ASIC2: variants seen among roughly 807,000 people sequenced by gnomAD.
ASIC2 encodes the protein acid sensing ion channel subunit 2.
Under a neutral mutation model 57.3 loss-of-function variants are expected in ASIC2, and 25 were observed. That is an observed-to-expected ratio of 0.44 (90% confidence interval 0.32 to 0.61). The LOEUF is 0.61. Ranked by LOEUF, ASIC2 falls within the 20% of genes least tolerant of loss-of-function variation. ASIC2 has a pLI of 0.06. For synonymous variants in ASIC2, 319 were observed against 307.5 expected (o/e 1.04, Z -0.39); for missense variants, 641 against 738.1 (o/e 0.87, Z 1.52).
At chr17:33,343,987 C>G (rs553741931) in intron 1 of ASIC2, among the ~76,000 whole-genome samples, 42 of 152,318 alleles carry the variant, frequency 2.8e-4, no homozygotes, top group South Asian at 8.3e-4. Flanking sequence ...CTCTTCGAAG[C>G]CTTCCCAGAT....
intron 1 of ASIC2, among the ~76,000 whole-genome samples, chr17:33,886,918 G>A (rs1333585247): frequency 1.3e-5 from 2 of 151,516 alleles, no homozygotes; most frequent in Non-Finnish European, 2.9e-5. Flanking sequence ...AAGCACTGAG[G>A]TAGATACCAA....
At chr17:33,603,054 A>T (rs1471906062) in intron 1 of ASIC2, among the ~76,000 whole-genome samples, 1 of 152,096 alleles carries the variant, frequency 6.6e-6, no homozygotes. Flanking sequence ...CTAGCTCTGC[A>T]TTTCCCCACC....
intron 1 of ASIC2, among the ~76,000 whole-genome samples, chr17:33,210,589 A>G (rs1166930481): frequency 6.6e-6 from 1 of 152,012 alleles, no homozygotes; most frequent in Non-Finnish European, 1.5e-5. Context: ...GCAATTCCCC[A>G]CCATCTCTAT....
chr17:33,476,293 T>A (rs1422002135), intron 1 of ASIC2, among the ~76,000 whole-genome samples: 4 of 152,134 alleles, frequency 2.6e-5, no homozygotes, highest in African/African-American at 7.2e-5. Context: ...ACATTACGCT[T>A]TTGAGCCACA....
At chr17:33,095,892 G>T (rs2092176899) in intron 2 of ASIC2, among the ~76,000 whole-genome samples, 1 of 152,356 alleles carries the variant, frequency 6.6e-6, no homozygotes, top group East Asian at 1.9e-4. Flanking sequence ...TGCTACCTAT[G>T]ATCAGACAAA....
rs185738945 is a variant in ASIC2 at position 33,318,839 on chromosome 17, C to T, written c.556-206772G>A. On this transcript the variant is annotated intron_variant, in intron 1 of 9. Transcript: ENST00000359872. ...GGCCCTTTTGGTTTTGAAGTTTGAGCGGGAAAAAGCTGTTCCTTTTCTGGA... is the reference window on the plus strand; with the variant it reads ...GGCCCTTTTGGTTTTGAAGTTTGAGTGGGAAAAAGCTGTTCCTTTTCTGGA... 1.5e-4 allele frequency among the ~76,000 whole-genome samples: 23 copies of T among 152,084 alleles called. No homozygotes were observed. The East Asian group carries it at 3.3e-3, about 22-fold the overall frequency.
At chr17:33,493,177 G>A (rs1159352546) in intron 1 of ASIC2, among the ~76,000 whole-genome samples, 1 of 152,148 alleles carries the variant, frequency 6.6e-6, no homozygotes, top group Non-Finnish European at 1.5e-5. Context: ...GTTTCTTCAG[G>A]CTCCAGGGTA....
At chr17:34,014,863 G>A (rs545429533) in intron 1 of ASIC2, among the ~76,000 whole-genome samples, 11 of 150,992 alleles carry the variant, frequency 7.3e-5, no homozygotes, top group South Asian at 2.1e-4. Flanking sequence ...AGATCCCTCC[G>A]CCTTAATCCT....
intron 1 of ASIC2, among the ~76,000 whole-genome samples, chr17:33,229,164 T>C (rs1165122892): frequency 6.6e-6 from 1 of 151,490 alleles, no homozygotes; most frequent in East Asian, 1.9e-4. Flanking sequence ...TGGAAAGAGG[T>C]GTACCAAGCA....
chr17:33,785,919 T>C (rs1911587744), intron 1 of ASIC2, among the ~76,000 whole-genome samples: 1 of 152,208 alleles, frequency 6.6e-6, no homozygotes, highest in African/African-American at 2.4e-5. Context: ...AACTGGAATC[T>C]GCGTCGGCTG....
At chr17:33,738,352 T>C (rs1005088167) in intron 1 of ASIC2, among the ~76,000 whole-genome samples, 3 of 152,200 alleles carry the variant, frequency 2.0e-5, no homozygotes, top group African/African-American at 7.2e-5. Flanking sequence ...CCCCAGACCT[T>C]CAGGATCCCC....
intron 1 of ASIC2, among the ~76,000 whole-genome samples, chr17:33,223,432 C>T (rs1024241318): frequency 6.6e-6 from 1 of 152,186 alleles, no homozygotes; most frequent in Non-Finnish European, 1.5e-5. Context: ...ATCTGCCCAC[C>T]TCAGCCTCCC....
chr17:34,097,034 G>C (rs954072190), intron 1 of ASIC2, among the ~76,000 whole-genome samples: 1 of 151,990 alleles, frequency 6.6e-6, no homozygotes, highest in African/African-American at 2.4e-5. Flanking sequence ...GATGAGGCTA[G>C]TTTAAATAAG....
intron 1 of ASIC2, among the ~76,000 whole-genome samples, chr17:33,509,191 C>T (rs1034979002): frequency 5.9e-5 from 9 of 151,992 alleles, no homozygotes; most frequent in Non-Finnish European, 1.0e-4. Flanking sequence ...GGAGGGAGGG[C>T]GGGACAGGAT....
intron 1 of ASIC2, among the ~76,000 whole-genome samples, chr17:33,606,417 G>C (rs1383117332): frequency 6.6e-6 from 1 of 152,154 alleles, no homozygotes; most frequent in Non-Finnish European, 1.5e-5. Flanking sequence ...ACCTTTCCAG[G>C]TGTGAAGCTT....
chr17:33,748,439 A>G (rs563035648), intron 1 of ASIC2, among the ~76,000 whole-genome samples: 1 of 152,352 alleles, frequency 6.6e-6, no homozygotes, highest in African/African-American at 2.4e-5. Context: ...GACACAGTAC[A>G]GTCCTTCCTC....
At chr17:33,079,657 G>T (rs1222402637) in intron 3 of ASIC2, among the ~76,000 whole-genome samples, 2 of 152,122 alleles carry the variant, frequency 1.3e-5, no homozygotes, top group Non-Finnish European at 2.9e-5. Context: ...GGCAGTTGTT[G>T]TTCTTATCTG....
intron 1 of ASIC2, among the ~76,000 whole-genome samples, chr17:34,116,049 A>C (rs912546871): frequency 2.6e-5 from 4 of 152,184 alleles, no homozygotes; most frequent in Non-Finnish European, 4.4e-5. Flanking sequence ...ATTAACACCC[A>C]AACCACTTGG....
intron 1 of ASIC2, among the ~76,000 whole-genome samples, chr17:33,304,746 C>A (rs533506477): frequency 5.1e-4 from 78 of 152,228 alleles, no homozygotes; most frequent in African/African-American, 1.8e-3. Flanking sequence ...CAGAGAGTGA[C>A]CCATAATAAA....
Sources: allele counts gnomAD v4.1 joint callset (sites outside exome capture counted in the v4.1 genomes callset), GRCh38; gene constraint gnomAD v4.1.1; transcripts MANE v1.5; gene names NCBI Gene and HGNC (gene_info 2026-07-23, HGNC 2026-07-21).